RASA2: variants seen among roughly 807,000 people sequenced by gnomAD.
The protein encoded by RASA2 is ras GTPase-activating protein 2.
Under a neutral mutation model 118.2 loss-of-function variants are expected in RASA2, and 155 were observed. The observed-to-expected ratio is 1.31, with a 90% CI of 1.15 to 1.50. The LOEUF is 1.50. RASA2 is among the 40% of genes most tolerant of loss of function. The pLI is 0.00. For synonymous variants in RASA2, 353 were observed against 349.1 expected (o/e 1.01, Z -0.12); for missense variants, 1,016 against 1,009.6 (o/e 1.01, Z -0.09).
In RASA2 at chr3:141,573,173, A is replaced by C; in HGVS notation, c.1311A>C (p.Glu437Asp). 6.5e-7 allele frequency: 1 copy of C among 1,543,986 alleles called. No homozygotes were observed. Among genetic ancestry groups the C allele is most frequent in the Non-Finnish European group, 8.7e-7 (1 of 1,155,276 alleles). ...DEICDSSKSC[E>D]IDPIKLKEGD... is the part of the protein sequence containing the mutation. ...TATGTGACTCCTCAAAATCCTGTGA[A>C]ATCGATCCTATTAAATTGAAAGAGG... The change falls in exon 13 of 24, where the codon GAA becomes GAC. Residue 437 changes from glutamate to aspartate, a missense_variant. Physicochemically the swap from Glu to Asp is conservative, Grantham distance 45. Around this residue, in one of 2 missense-constraint regions of RASA2, gnomAD observed 896 missense variants for 836.4 expected, o/e 1.07. Coordinates refer to ENST00000286364, the MANE Select transcript of RASA2 (RefSeq NM_006506.5).
intron 7 of RASA2, among the ~76,000 whole-genome samples, chr3:141,557,820 A>G (rs1171226751): frequency 6.6e-6 from 1 of 152,220 alleles, no homozygotes; most frequent in Non-Finnish European, 1.5e-5. Context: ...GGTTATAGAA[A>G]AAAAGAGAAA....
intron 1 of RASA2, among the ~76,000 whole-genome samples, chr3:141,492,906 A>G (rs1180016487): frequency 6.6e-6 from 1 of 152,240 alleles, no homozygotes; most frequent in East Asian, 1.9e-4. Context: ...TAAGCTGTGA[A>G]TCGGATGAAA....
chr3:141,572,087 G>C (rs2082933698), intron 11 of RASA2, among the ~76,000 whole-genome samples: 2 of 140,894 alleles, frequency 1.4e-5, no homozygotes, highest in African/African-American at 2.6e-5. Context: ...CATATGTATT[G>C]AGTTTTTTGT....
At chr3:141,603,303 G>A (rs1577824781) in intron 19 of RASA2, among the ~76,000 whole-genome samples, 1 of 152,116 alleles carries the variant, frequency 6.6e-6, no homozygotes, top group African/African-American at 2.4e-5. Flanking sequence ...AGGCACAGTG[G>A]TTCAGGCCCG....
chr3:141,543,207 A>AT (rs1411720852), intron 5 of RASA2, among the ~76,000 whole-genome samples: 14 of 150,868 alleles, frequency 9.3e-5, no homozygotes, highest in East Asian at 3.9e-4. Flanking sequence ...CTTTGTATAG[A>AT]TTTTTTTTTA....
intron 11 of RASA2, 58 bp from the exon 12 acceptor site, chr3:141,572,550 AT>A: frequency 8.4e-7 from 1 of 1,195,700 alleles, no homozygotes; most frequent in African/African-American, 1.5e-5. Context: ...CAAGTATGTT[AT>A]ATTATTGGTT....
intron 20 of RASA2, 58 bp from the exon 21 acceptor site, chr3:141,608,431 A>T: frequency 6.6e-7 from 1 of 1,503,958 alleles, no homozygotes; most frequent in Non-Finnish European, 9.2e-7. Context: ...TCTGTTTTGT[A>T]CTGTGTGTTG....
chr3:141,537,616 A>G (rs2082346281), intron 4 of RASA2, among the ~76,000 whole-genome samples: 1 of 152,118 alleles, frequency 6.6e-6, no homozygotes, highest in Non-Finnish European at 1.5e-5. Context: ...TAAAAATACA[A>G]AAATTAGCCG....
At chr3:141,490,046 T>C (rs2081621949) in intron 1 of RASA2, among the ~76,000 whole-genome samples, 1 of 151,118 alleles carries the variant, frequency 6.6e-6, no homozygotes, top group Admixed American at 6.6e-5. Flanking sequence ...TTATATGCGC[T>C]CAAACGAACC....
intron 7 of RASA2, among the ~76,000 whole-genome samples, chr3:141,556,268 T>G (rs1447100544): frequency 6.6e-6 from 1 of 152,172 alleles, no homozygotes; most frequent in Non-Finnish European, 1.5e-5. Flanking sequence ...ACTAGTGAAG[T>G]AAGTGTAATT....
chr3:141,515,964 C>T (rs1299807630), intron 2 of RASA2, among the ~76,000 whole-genome samples: 4 of 142,172 alleles, frequency 2.8e-5, no homozygotes, highest in African/African-American at 1.0e-4. Context: ...AAAAACCAAA[C>T]ACCACATGTT....
chr3:141,510,682 C>T (rs1183039396), intron 1 of RASA2, among the ~76,000 whole-genome samples: 1 of 152,098 alleles, frequency 6.6e-6, no homozygotes, highest in Non-Finnish European at 1.5e-5. Flanking sequence ...ATAAGGCACT[C>T]GCCATTGAAG....
intron 14 of RASA2, among the ~76,000 whole-genome samples, chr3:141,576,612 A>T (rs1389484664): frequency 6.6e-6 from 1 of 152,226 alleles, no homozygotes; most frequent in South Asian, 2.1e-4. Flanking sequence ...TGAAACAAGA[A>T]CCTAAAACTG....
chr3:141,576,936 T>A lies in RASA2; in HGVS notation c.1484-64T>A, dbSNP rs3732869. The A allele has an allele frequency of 0.091, 101,178 of 1,116,560 alleles. 7,079 individuals are homozygous for A. The highest frequency in any genetic ancestry group is 0.26 in the East Asian group (10,434 of 39,650). The allele number at this position is 1,116,560 out of a possible 1,614,324, so 69.2% of individuals were successfully genotyped here. ...GTTTACATGTCTTTTCTATATTTTTTAATTTATCATCTTTGTTTTTTAATT... is the reference window on the plus strand; with the variant it reads ...GTTTACATGTCTTTTCTATATTTTTAAATTTATCATCTTTGTTTTTTAATT... On this transcript the variant is annotated intron_variant, in intron 14 of 23. Coordinates refer to ENST00000286364, the MANE Select transcript of RASA2 (RefSeq NM_006506.5).
At chr3:141,579,559 A>G (rs1307723910) in intron 15 of RASA2, 1 of 152,164 alleles carries the variant, frequency 6.6e-6, no homozygotes, top group Admixed American at 6.5e-5. Flanking sequence ...TTCCATGGTG[A>G]AAAGAGTTAA....
Position 141,548,127 on chromosome 3 carries a change from A to G in RASA2, c.528-5730A>G, listed in dbSNP as rs140180518. On this transcript the variant is annotated intron_variant, in intron 5 of 23. Coordinates refer to ENST00000286364, the MANE Select transcript of RASA2 (RefSeq NM_006506.5). ...ATTTTTGCATCAAGGTTCATCAGGG[A>G]TATTGGCCTATAGTTTTCTTTTTTT... Among the ~76,000 whole-genome samples the G allele has an allele frequency of 4.4e-3, 672 of 152,170 alleles. 4 individuals are homozygous for G. The highest frequency in any genetic ancestry group is 0.023 in the South Asian group (113 of 4,822).
chr3:141,555,887 A>C lies in RASA2; in HGVS notation c.659A>C (p.Gln220Pro). The change falls in exon 7 of 24, where the codon CAG becomes CCG. Residue 220 changes from glutamine (Q) to proline (P), a missense_variant. Gln to Pro is a moderately conservative substitution (Grantham distance 76). This residue lies in a region of RASA2 where 896 missense variants were observed against 836.4 expected (regional missense o/e 1.07). Coordinates refer to ENST00000286364, the MANE Select transcript of RASA2 (RefSeq NM_006506.5). ...TKVKKKTSNP[Q>P]FNEIFYFEVT... ...GTAAAGAAGAAAACAAGCAATCCGCAGTTTAATGAAATCTTTTATTTTGAG... is the reference window on the plus strand; with the variant it reads ...GTAAAGAAGAAAACAAGCAATCCGCCGTTTAATGAAATCTTTTATTTTGAG... The C allele has an allele frequency of 6.2e-7, 1 of 1,611,646 alleles. No homozygotes were observed. The highest frequency in any genetic ancestry group is 8.5e-7 in the Non-Finnish European group (1 of 1,178,768).
intron 19 of RASA2, among the ~76,000 whole-genome samples, chr3:141,599,938 C>T (rs907427163): frequency 6.6e-6 from 1 of 152,128 alleles, no homozygotes; most frequent in African/African-American, 2.4e-5. Context: ...CACAGTAATA[C>T]AAAACACAGT....
At chr3:141,589,797 C>T (rs1195883675) in intron 19 of RASA2, among the ~76,000 whole-genome samples, 3 of 151,286 alleles carry the variant, frequency 2.0e-5, no homozygotes, top group Non-Finnish European at 2.9e-5. Context: ...GCCAAGATCG[C>T]GCCACTGCAT....
Sources: gnomAD v4.1 joint callset for allele counts (sites outside exome capture counted in the v4.1 genomes callset) on GRCh38, gnomAD v4.1.1 for gene constraint, gnomAD v4.1.1 regional missense constraint, MANE v1.5 for transcripts, NCBI Gene and HGNC (gene_info 2026-07-23, HGNC 2026-07-21) for gene names.